The following DNAH17 variants were observed in gnomAD, a reference collection of about 807,000 sequenced individuals.
The protein encoded by DNAH17 is axonemal beta dynein heavy chain 17.
DNAH17 carries 376 observed loss-of-function variants against 485.6 expected under a neutral mutation model. The observed-to-expected ratio is 0.77, with a 90% CI of 0.71 to 0.84. DNAH17 has a LOEUF of 0.84. DNAH17 is among the 40% of genes least tolerant of loss of function. The pLI, the probability that DNAH17 is intolerant of heterozygous loss-of-function variation, is 0.00. For missense variants in DNAH17, 6,370 were observed against 5,839.3 expected (o/e 1.09, Z -2.96); for synonymous variants, 3,031 against 2,405.9 (o/e 1.26, Z -7.60).
chr17:78,510,592 A>C, intron 26 of DNAH17, 86 bp from the exon 27 acceptor site: 1 of 1,561,722 alleles, frequency 6.4e-7, no homozygotes, highest in Non-Finnish European at 8.8e-7. Flanking sequence ...ATGGAGAGCC[A>C]TTGCCGGGGC....
intron 24 of DNAH17, 50 bp downstream of exon 24, chr17:78,526,601 C>T (rs1449774030): frequency 6.9e-7 from 1 of 1,441,844 alleles, no homozygotes; most frequent in Non-Finnish European, 9.5e-7. Context: ...GAAAAGAAAG[C>T]AGTGGGGTTC....
At chr17:78,563,567 C>T (rs2092205012) in intron 11 of DNAH17, among the ~76,000 whole-genome samples, 1 of 152,130 alleles carries the variant, frequency 6.6e-6, no homozygotes, top group Admixed American at 6.6e-5. Context: ...AGGCGGGAGG[C>T]ATTTTTATTT....
chr17:78,510,935 G>A (rs2090620585), intron 26 of DNAH17, among the ~76,000 whole-genome samples: 1 of 152,198 alleles, frequency 6.6e-6, no homozygotes, highest in African/African-American at 2.4e-5. Context: ...CAGGAAAGAG[G>A]GCCTTGTGGA....
intron 57 of DNAH17, 147 bp downstream of exon 57, chr17:78,462,697 C>T: frequency 2.8e-6 from 2 of 725,616 alleles, no homozygotes; most frequent in Non-Finnish European, 4.5e-6. Context: ...GGAGTAAATG[C>T]TTCTCAAAGG....
Position 78,494,608 on chromosome 17 carries a change from G to C in DNAH17, c.6255C>G (p.Asp2085Glu). ...GAGTCCCGACCTTTTCAAAATTCAG[G>C]TCCCGTTTCCGAGGCACGTCCAGAG... ...FPALDVPRKR[D>E]LNFEKIIKQS... The change falls in exon 40 of 81, where the codon GAC becomes GAG. Residue 2085 changes from aspartate (D) to glutamate (E), a missense_variant. Physicochemically the swap from Asp to Glu is conservative, Grantham distance 45. Coordinates refer to ENST00000389840, the MANE Select transcript of DNAH17 (RefSeq NM_173628.4). 1 of 1,613,756 alleles carries C rather than the reference G, an allele frequency of 6.2e-7. No homozygotes were observed. The highest frequency in any genetic ancestry group is 8.5e-7 in the Non-Finnish European group (1 of 1,179,866).
chr17:78,571,174 C>T (rs925384670), intron 5 of DNAH17, 105 bp downstream of exon 5: 20 of 1,305,422 alleles, frequency 1.5e-5, no homozygotes, highest in South Asian at 2.6e-5. Context: ...GAAAGCTGCT[C>T]GCAGAGGGAG....
Position 78,475,432 on chromosome 17 carries a change from A to G in DNAH17, c.8357T>C (p.Ile2786Thr). 1 of 1,613,900 alleles carries G rather than the reference A, an allele frequency of 6.2e-7. No individual in the cohort carries two copies. Among genetic ancestry groups the G allele is most frequent in the Middle Eastern group, 1.7e-4 (1 of 6,052 alleles). ...FEDAVAHICRINRILESPRGN... is the reference protein window; with the variant it reads ...FEDAVAHICRTNRILESPRGN... ...CCGGGGAGACTCCAGGATGCGATTAATCCTGCAGATGTGAGCCACGGCGTC... is the reference window on the plus strand; with the variant it reads ...CCGGGGAGACTCCAGGATGCGATTAGTCCTGCAGATGTGAGCCACGGCGTC... Residue 2786 changes from isoleucine to threonine, a missense_variant, in exon 54 of 81, where the codon ATT (isoleucine) becomes ACT (threonine). Physicochemically the swap from Ile to Thr is moderately conservative, Grantham distance 89. Coordinates refer to ENST00000389840, the MANE Select transcript of DNAH17 (RefSeq NM_173628.4).
chr17:78,575,205 T>A, intron 1 of DNAH17, 123 bp from the exon 2 acceptor site: 2 of 742,156 alleles, frequency 2.7e-6, no homozygotes, highest in Non-Finnish European at 2.1e-6. Flanking sequence ...TGGTCGAGAG[T>A]GTGCAGTTTT....
chr17:78,548,124 C>CATGTCCTT lies in DNAH17; in HGVS notation c.2391+3403_2391+3410dup, dbSNP rs533001753. Among the ~76,000 whole-genome samples, 651 of 151,882 alleles carry CATGTCCTT rather than the reference C, an allele frequency of 4.3e-3. 3 individuals carry two copies. Among genetic ancestry groups the CATGTCCTT allele is most frequent in the Non-Finnish European group, 7.2e-3 (491 of 67,990 alleles). On this transcript the variant is annotated intron_variant, in intron 16 of 80. Coordinates refer to ENST00000389840, the MANE Select transcript of DNAH17 (RefSeq NM_173628.4). ...CTTTTGCAGTTTTGACTTTCTTAGC[C>CATGTCCTT]ATGTCCTTTCCCTTCTCTGCTTTCC...
At chr17:78,443,747 A>G (rs1253513835) in intron 71 of DNAH17, among the ~76,000 whole-genome samples, 1 of 152,134 alleles carries the variant, frequency 6.6e-6, no homozygotes, top group African/African-American at 2.4e-5. Flanking sequence ...ATGGGGTCTC[A>G]CTATGTTTCC....
At chr17:78,485,054 G>C in intron 47 of DNAH17, 21 bp from the exon 48 acceptor site, 4 of 1,580,068 alleles carry the variant, frequency 2.5e-6, no homozygotes, top group Non-Finnish European at 3.4e-6. Flanking sequence ...CAGAGGGTCA[G>C]CTGCCCGCCT....
intron 66 of DNAH17, 96 bp from the exon 67 acceptor site, chr17:78,450,942 A>C: frequency 6.7e-7 from 1 of 1,490,592 alleles, no homozygotes; most frequent in Non-Finnish European, 9.1e-7. Flanking sequence ...GCCAAGGCCC[A>C]GGCTTTGAGC....
At position 78,434,075 on chromosome 17, in the gene DNAH17, G is replaced by A. The variant is rs746524761; in HGVS notation, c.12179C>T (p.Thr4060Ile). Residue 4060 changes from threonine to isoleucine, a missense_variant, in exon 75 of 81, where the codon ACC (threonine) becomes ATC (isoleucine). Coordinates refer to ENST00000389840, the MANE Select transcript of DNAH17 (RefSeq NM_173628.4). Reference sequence around the variant, plus strand: ...GTTGTAGAGCACGTTGATGGAGATGGTGAGGTCCCCGTTGTTGAAGGGGTA... The same window carrying A: ...GTTGTAGAGCACGTTGATGGAGATGATGAGGTCCCCGTTGTTGAAGGGGTA... ...RSYPFNNGDL[T>I]ISINVLYNYL... The A allele has an allele frequency of 6.2e-7, 1 of 1,613,292 alleles. No homozygotes were observed. The highest frequency in any genetic ancestry group is 8.5e-7 in the Non-Finnish European group (1 of 1,179,696).
At position 78,502,572 on chromosome 17, in the gene DNAH17, C is replaced by G. The variant is rs2090336286; in HGVS notation, c.5190+19G>C. 1 of 1,605,392 alleles carries G rather than the reference C, an allele frequency of 6.2e-7. No homozygotes were observed. The highest frequency in any genetic ancestry group is 8.5e-7 in the Non-Finnish European group (1 of 1,175,662). On this transcript the variant is annotated intron_variant, in intron 33 of 80. Coordinates refer to ENST00000389840, the MANE Select transcript of DNAH17 (RefSeq NM_173628.4). ...AAACAAGTTTTAAAAACGTAACTAACTACACACTAGTAACACACCTGCTTT... is the reference window on the plus strand; with the variant it reads ...AAACAAGTTTTAAAAACGTAACTAAGTACACACTAGTAACACACCTGCTTT...
At chr17:78,503,869 G>A (rs949543435) in intron 31 of DNAH17, among the ~76,000 whole-genome samples, 58 of 152,026 alleles carry the variant, frequency 3.8e-4, no homozygotes, top group Admixed American at 3.3e-3. Context: ...TGGAGGCTTA[G>A]ACAGGAGAAT....
chr17:78,478,402 C>T (rs2089189266), intron 51 of DNAH17, among the ~76,000 whole-genome samples: 1 of 151,634 alleles, frequency 6.6e-6, no homozygotes, highest in Non-Finnish European at 1.5e-5. Flanking sequence ...TCAGCACCAC[C>T]ATCACTACCA....
At chr17:78,569,588 G>C in intron 7 of DNAH17, 61 bp from the exon 8 acceptor site, 1 of 1,537,498 alleles carries the variant, frequency 6.5e-7, no homozygotes, top group Non-Finnish European at 8.8e-7. Context: ...TGACGTCCAG[G>C]CACGCCGCCT....
intron 20 of DNAH17, among the ~76,000 whole-genome samples, chr17:78,531,467 T>G (rs980210909): frequency 6.6e-6 from 1 of 151,448 alleles, no homozygotes; most frequent in African/African-American, 2.4e-5. Flanking sequence ...GCCTCCCGAG[T>G]AGCTGGAACT....
In DNAH17 at chr17:78,458,693, G is replaced by A. The variant is rs372743931; in HGVS notation, c.9862-13C>T. ...TGGCGTTAAGTTCCTGCAAAACCAA[G>A]TTGGAAAGCTGCTGGAAAACCCCAC... is the stretch of plus-strand genomic sequence containing the variant. On this transcript the variant is annotated splice_polypyrimidine_tract_variant and intron_variant, in intron 61 of 80. Transcript: ENST00000389840. 2 of 1,609,986 alleles carry A rather than the reference G, an allele frequency of 1.2e-6. No homozygotes were observed. Among genetic ancestry groups the A allele is most frequent in the South Asian group, 1.1e-5 (1 of 91,018 alleles).
Sources: gnomAD v4.1 joint callset for allele counts (sites outside exome capture counted in the v4.1 genomes callset) on GRCh38, gnomAD v4.1.1 for gene constraint, MANE v1.5 for transcripts, NCBI Gene and HGNC (gene_info 2026-07-23, HGNC 2026-07-21) for gene names.